Variants in KMT2E observed in about 807,000 individuals in gnomAD.
The protein encoded by KMT2E is lysine methyltransferase 2E (inactive).
KMT2E carries 30 observed loss-of-function variants against 184.6 expected under a neutral mutation model. The ratio of observed to expected loss-of-function variants is 0.16; its 90% CI spans 0.12 to 0.22. The LOEUF (loss-of-function observed/expected upper bound fraction) is 0.22. Among genes scored for constraint, KMT2E ranks in the 10% least tolerant of loss-of-function variants. The probability of loss-of-function intolerance (pLI) is 1.00; values close to 1 mark genes in which losing one functional copy is unlikely to be tolerated. For synonymous variants in KMT2E, 815 were observed against 776.5 expected (o/e 1.05, Z -0.82); for missense variants, 2,023 against 2,237.4 (o/e 0.90, Z 1.93).
At chr7:105,051,679 C>T (rs1316136498) in intron 3 of KMT2E, among the ~76,000 whole-genome samples, 12 of 151,966 alleles carry the variant, frequency 7.9e-5, no homozygotes, top group Non-Finnish European at 1.8e-4. Flanking sequence ...AGTGCAGTGG[C>T]ACAATATTGG....
intron 1 of KMT2E, among the ~76,000 whole-genome samples, chr7:105,016,108 A>G (rs146672081): frequency 5.3e-5 from 8 of 152,360 alleles, no homozygotes; most frequent in African/African-American, 1.7e-4. Flanking sequence ...AAATGTTTCA[A>G]TCTAGAGTAA....
intron 6 of KMT2E, among the ~76,000 whole-genome samples, chr7:105,072,024 T>C (rs1035840431): frequency 2.6e-5 from 4 of 151,932 alleles, no homozygotes; most frequent in Admixed American, 6.6e-5. Context: ...AAAGTTACCA[T>C]TAGGAGGCCG....
At chr7:105,096,247 C>CAAAAAAAAAAAAAAAAAAAA (rs11330758) in intron 15 of KMT2E, among the ~76,000 whole-genome samples, 1 of 69,270 alleles carries the variant, frequency 1.4e-5, no homozygotes, top group Non-Finnish European at 2.8e-5. Flanking sequence ...GTGAAAGGCT[C>CAAAAAAAAAAAAAAAAAAAA]AAAAAAAAAA....
Position 105,077,346 on chromosome 7 carries a change from A to T in KMT2E, c.1043A>T (p.Asp348Val). ...AAGAAAATTCTTAAATCTGCAAAAG[A>T]TTTGCCTCCTGATGCACTTATCATT... ...KNKKILKSAK[D>V]LPPDALIIEY... The change falls in exon 11 of 27, where the codon GAT becomes GTT. Residue 348 changes from aspartate to valine, a missense_variant. Transcript: ENST00000311117. The T allele has an allele frequency of 6.2e-7, 1 of 1,611,252 alleles. No homozygotes were observed.
At position 105,040,945 on chromosome 7, in the gene KMT2E, C is replaced by T. The variant is rs780967239; in HGVS notation, c.-8C>T. ...CCATAGTAATCGAATTTACCAGAGG[C>T]GAACGTCATGAGCATAGTGATCCCA... On this transcript the variant is annotated 5_prime_UTR_variant, in exon 3 of 27. It introduces an in-frame stop codon into an upstream open reading frame of the 5' UTR. Transcript: ENST00000311117. The T allele has an allele frequency of 2.5e-6, 4 of 1,606,452 alleles. No homozygotes were observed. The highest frequency in any genetic ancestry group is 1.1e-5 in the South Asian group (1 of 90,592).
chr7:105,097,577 G>A (rs1409246030), intron 15 of KMT2E, among the ~76,000 whole-genome samples: 1 of 152,034 alleles, frequency 6.6e-6, no homozygotes, highest in African/African-American at 2.4e-5. Flanking sequence ...AGTAGAGATG[G>A]GGTTTCACCA....
intron 1 of KMT2E, among the ~76,000 whole-genome samples, chr7:105,034,582 C>G (rs1795555034): frequency 1.3e-5 from 2 of 151,958 alleles, no homozygotes; most frequent in Admixed American, 6.6e-5. Flanking sequence ...TTCAGGCTTC[C>G]CAGTTGTATT....
chr7:105,059,978 G>GTTGTTTTT (rs1796734822), intron 3 of KMT2E, among the ~76,000 whole-genome samples: 10 of 51,762 alleles, frequency 1.9e-4, no homozygotes, highest in African/African-American at 4.7e-4. Flanking sequence ...TCTTGTTGTT[G>GTTGTTTTT]TTTTTTTTTT....
chr7:105,066,680 G>A lies in KMT2E; in HGVS notation c.417-47G>A, dbSNP rs374962862. 2.9e-4 allele frequency: 410 copies of A among 1,410,908 alleles called. 1 individual carries two copies. Among genetic ancestry groups the A allele is most frequent in the Non-Finnish European group, 3.7e-4 (372 of 1,006,088 alleles). 87.4% of individuals were successfully genotyped at this position (1,410,908 alleles called of 1,614,324 possible). On this transcript the variant is annotated intron_variant, in intron 5 of 26. Coordinates refer to ENST00000311117, the MANE Select transcript of KMT2E (RefSeq NM_182931.3). ...AATGGAATATCAAATCTTAATTTAA[G>A]GATGACTTAAATAATATTACATATG... is the stretch of plus-strand genomic sequence containing the variant.
intron 16 of KMT2E, 66 bp downstream of exon 16, chr7:105,101,655 A>C: frequency 1.6e-6 from 2 of 1,279,682 alleles, no homozygotes; most frequent in African/African-American, 1.6e-5. Flanking sequence ...TACTTGCATT[A>C]ATTACTTATA....
At chr7:105,052,290 T>A (rs1796383626) in intron 3 of KMT2E, among the ~76,000 whole-genome samples, 1 of 152,196 alleles carries the variant, frequency 6.6e-6, no homozygotes, top group Admixed American at 6.5e-5. Context: ...ATTCTTATGT[T>A]CTTGGCATAA....
chr7:105,029,563 T>C (rs1430528246), intron 1 of KMT2E, among the ~76,000 whole-genome samples: 1 of 152,050 alleles, frequency 6.6e-6, no homozygotes, highest in Non-Finnish European at 1.5e-5. Context: ...ATGAAGATGA[T>C]GGTAGGGGCC....
chr7:105,017,845 G>C (rs570626946), intron 1 of KMT2E, among the ~76,000 whole-genome samples: 1 of 152,172 alleles, frequency 6.6e-6, no homozygotes, highest in South Asian at 2.1e-4. Flanking sequence ...TCTGATTCCA[G>C]TTTAAGTGTA....
intron 4 of KMT2E, 53 bp from the exon 5 acceptor site, chr7:105,063,297 AT>A (rs1796897629): frequency 2.3e-6 from 3 of 1,281,420 alleles, no homozygotes; most frequent in Non-Finnish European, 3.3e-6. Context: ...TGCTTGGTTT[AT>A]ATCATTGTTG....
intron 1 of KMT2E, among the ~76,000 whole-genome samples, chr7:105,024,896 T>C (rs974690580): frequency 2.0e-5 from 3 of 152,130 alleles, no homozygotes; most frequent in Non-Finnish European, 4.4e-5. Context: ...TTGTGTATAT[T>C]CCAGTTCAAG....
rs140624918 is a variant in KMT2E at position 105,024,132 on chromosome 7, GACTT to G, written c.-189+9600_-189+9603del. On this transcript the variant is annotated intron_variant, in intron 1 of 26. Transcript: ENST00000311117. The stretch of plus-strand genomic sequence containing the variant: ...TTCAGACAGGAGAAGAAAATTTTGA[GACTT>G]ACAGAGTACATATTCTCTAAAACTT... 9.5e-3 allele frequency among the ~76,000 whole-genome samples: 1,451 copies of G among 152,228 alleles called. 31 individuals are homozygous for G. Among genetic ancestry groups the G allele is most frequent in the African/African-American group, 0.033 (1,384 of 41,516 alleles).
rs772584429 is a variant in KMT2E, at chr7:105,112,390, C to G, written c.4634C>G (p.Pro1545Arg). ...NQQSLNSTAP[P>R]PPPPPPPSSS... ...CAAAGTCTGAACAGCACGGCACCAC[C>G]CCCTCCACCTCCTCCACCTCCTTCT... is the stretch of plus-strand genomic sequence containing the variant. Residue 1545 changes from proline (P) to arginine (R), a missense_variant, in exon 27 of 27, where the codon CCC (proline) becomes CGC (arginine). Physicochemically the swap from Pro to Arg is moderately radical, Grantham distance 103. Transcript: ENST00000311117. 2 of 1,613,022 alleles carry G rather than the reference C, an allele frequency of 1.2e-6. No individual in the cohort carries two copies. The highest frequency in any genetic ancestry group is 1.7e-6 in the Non-Finnish European group (2 of 1,180,014).
rs184307029 is a variant in KMT2E, at chr7:105,032,279, A to C, written c.-188-5847A>C. 3.7e-3 allele frequency among the ~76,000 whole-genome samples: 555 copies of C among 151,630 alleles called. 3 individuals carry two copies. The highest frequency in any genetic ancestry group is 0.013 in the African/African-American group (525 of 41,292). On this transcript the variant is annotated intron_variant, in intron 1 of 26. Transcript: ENST00000311117. ...GCCAACATGGTGAAATGCTGTCTCT[A>C]CTAAAAATACAAAAATTAGCTGGGC... is the stretch of plus-strand genomic sequence containing the variant.
chr7:105,025,797 T>A (rs1362739642), intron 1 of KMT2E, among the ~76,000 whole-genome samples: 1 of 152,138 alleles, frequency 6.6e-6, no homozygotes, highest in African/African-American at 2.4e-5. Flanking sequence ...GAAAACTTGA[T>A]AAAGGCAAAT....
Sources: allele counts gnomAD v4.1 joint callset (sites outside exome capture counted in the v4.1 genomes callset), GRCh38; gene constraint gnomAD v4.1.1; transcripts MANE v1.5; gene names NCBI Gene and HGNC (gene_info 2026-07-23, HGNC 2026-07-21).